Variants in TMEFF1 observed in about 807,000 individuals in gnomAD.
TMEFF1 encodes tomoregulin-1.
TMEFF1 carries 20 observed loss-of-function variants against 47.5 expected under a neutral mutation model. That is an observed-to-expected ratio of 0.42 (90% CI 0.30 to 0.61). TMEFF1 has a LOEUF of 0.61. TMEFF1 is among the 20% of genes least tolerant of loss of function. TMEFF1 has a pLI of 0.19. For missense variants in TMEFF1, 411 were observed against 471.1 expected (o/e 0.87, Z 1.18); for synonymous variants, 162 against 166.3 (o/e 0.97, Z 0.20).
intron 5 of TMEFF1, among the ~76,000 whole-genome samples, chr9:100,527,833 A>G (rs2041709486): frequency 6.6e-6 from 1 of 152,208 alleles, no homozygotes; most frequent in South Asian, 2.1e-4. Context: ...GCAGACTTAA[A>G]TGTCCCCGTC....
intron 9 of TMEFF1, among the ~76,000 whole-genome samples, chr9:100,575,956 C>G (rs890641071): frequency 6.6e-6 from 1 of 152,112 alleles, no homozygotes; most frequent in African/African-American, 2.4e-5. Flanking sequence ...TTATGGGCTT[C>G]TGTGGTTTGC....
At chr9:100,574,686 A>G (rs1337549276) in intron 9 of TMEFF1, among the ~76,000 whole-genome samples, 1 of 152,096 alleles carries the variant, frequency 6.6e-6, no homozygotes, top group African/African-American at 2.4e-5. Flanking sequence ...TAAGAGGATC[A>G]AAGGATGTCA....
chr9:100,476,698 C>A (rs1435092586), intron 1 of TMEFF1, among the ~76,000 whole-genome samples: 8 of 128,198 alleles, frequency 6.2e-5, no homozygotes, highest in Non-Finnish European at 1.2e-4. Flanking sequence ...TGGCCTATTT[C>A]GTTTTTTTTT....
chr9:100,505,410 C>CAAAAAAAAAAA (rs60312984), intron 2 of TMEFF1, among the ~76,000 whole-genome samples: 6 of 26,448 alleles, frequency 2.3e-4, no homozygotes, highest in Admixed American at 7.9e-4. Context: ...GACCCTGTCT[C>CAAAAAAAAAAA]AAAAAAAAAA....
intron 2 of TMEFF1, among the ~76,000 whole-genome samples, chr9:100,502,570 C>G (rs758813517): frequency 1.3e-5 from 2 of 152,080 alleles, no homozygotes; most frequent in Non-Finnish European, 2.9e-5. Flanking sequence ...CTAGGTTGCC[C>G]AGACTGGTCT....
chr9:100,516,814 A>G, intron 5 of TMEFF1, 43 bp downstream of exon 5: 1 of 1,597,778 alleles, frequency 6.3e-7, no homozygotes, highest in South Asian at 1.1e-5. Flanking sequence ...TTAGAGATTA[A>G]TCATCAGTAT....
chr9:100,562,809 C>A (rs931042811), intron 8 of TMEFF1, among the ~76,000 whole-genome samples: 1 of 151,378 alleles, frequency 6.6e-6, no homozygotes, highest in South Asian at 2.1e-4. Flanking sequence ...GCATGTGCCA[C>A]CATGCTTGGC....
intron 8 of TMEFF1, among the ~76,000 whole-genome samples, chr9:100,569,239 T>C (rs559308507): frequency 6.6e-6 from 1 of 152,342 alleles, no homozygotes; most frequent in South Asian, 2.1e-4. Flanking sequence ...ATTTAGGCTA[T>C]CGTAGTAACT....
intron 4 of TMEFF1, among the ~76,000 whole-genome samples, chr9:100,515,514 G>A (rs1325019532): frequency 6.6e-6 from 1 of 152,102 alleles, no homozygotes. Flanking sequence ...GAGGCCGGGT[G>A]TGGTGGCTCA....
Position 100,516,790 on chromosome 9 carries a change from AGG to A in TMEFF1, c.560+21_560+22del, listed in dbSNP as rs756650424. 1.9e-6 allele frequency: 3 copies of A among 1,611,366 alleles called. No homozygotes were observed. In the East Asian group the frequency reaches 6.7e-5, roughly 36 times the overall value. On this transcript the variant is annotated intron_variant, in intron 5 of 9. Transcript: ENST00000374879. ...ATGTTGGGTGAGTTGGTTGAGGGGA[AGG>A]GACAAAGTTATTTAGAGATTAATCA... is the stretch of plus-strand genomic sequence containing the variant.
intron 2 of TMEFF1, among the ~76,000 whole-genome samples, chr9:100,502,637 C>T (rs968178051): frequency 2.0e-5 from 3 of 152,174 alleles, no homozygotes; most frequent in South Asian, 2.1e-4. Context: ...GCTGGGATTA[C>T]GGGTATGAGC....
chr9:100,554,863 G>C (rs1036971636), intron 7 of TMEFF1, among the ~76,000 whole-genome samples: 1 of 152,074 alleles, frequency 6.6e-6, no homozygotes, highest in African/African-American at 2.4e-5. Flanking sequence ...TACTGATGCA[G>C]TGTTGATATA....
chr9:100,480,148 A>G (rs941082536), intron 1 of TMEFF1, among the ~76,000 whole-genome samples: 4 of 152,140 alleles, frequency 2.6e-5, no homozygotes, highest in African/African-American at 7.2e-5. Context: ...TAATGAATGT[A>G]TTGGCTATCT....
chr9:100,494,837 C>T (rs1837622504), intron 1 of TMEFF1, among the ~76,000 whole-genome samples: 2 of 152,180 alleles, frequency 1.3e-5, no homozygotes, highest in Admixed American at 1.3e-4. Context: ...ACATTCATGA[C>T]CTGACCTGTG....
chr9:100,549,996 G>C (rs887717641), intron 6 of TMEFF1, 99 bp from the exon 7 acceptor site: 8 of 1,397,814 alleles, frequency 5.7e-6, no homozygotes, highest in African/African-American at 2.9e-5. Flanking sequence ...AGGGGGCAGA[G>C]GTTAAGAAGA....
In TMEFF1 at chr9:100,550,046, G is replaced by A. The variant is rs150816274; in HGVS notation, c.710-49G>A. 5,122 of 1,584,688 alleles carry A rather than the reference G, an allele frequency of 3.2e-3. 27 individuals carry two copies. Among genetic ancestry groups the A allele is most frequent in the African/African-American group, 0.016 (1,173 of 73,880 alleles). On this transcript the variant is annotated intron_variant, in intron 6 of 9. Coordinates refer to ENST00000374879, the MANE Select transcript of TMEFF1 (RefSeq NM_003692.5). ...GGAATTATTGGGAGTATCATGATAT[G>A]ACTTAACCATTGTATATATTTTAAT...
intron 1 of TMEFF1, among the ~76,000 whole-genome samples, chr9:100,474,835 C>T (rs1837192057): frequency 6.6e-6 from 1 of 152,110 alleles, no homozygotes; most frequent in African/African-American, 2.4e-5. Context: ...CTTGCTGAGG[C>T]TTTAGTGGAT....
intron 5 of TMEFF1, among the ~76,000 whole-genome samples, chr9:100,524,585 G>A (rs1423999260): frequency 6.6e-6 from 1 of 152,198 alleles, no homozygotes; most frequent in Non-Finnish European, 1.5e-5. Flanking sequence ...TGGATCACTG[G>A]TAGAAATGTG....
intron 1 of TMEFF1, among the ~76,000 whole-genome samples, chr9:100,483,749 T>C (rs1467392012): frequency 1.3e-5 from 2 of 152,130 alleles, no homozygotes; most frequent in African/African-American, 2.4e-5. Flanking sequence ...AGTCTCTCTT[T>C]GTGTATCTAC....
Sources: allele counts gnomAD v4.1 joint callset (sites outside exome capture counted in the v4.1 genomes callset), GRCh38; gene constraint gnomAD v4.1.1; transcripts MANE v1.5; gene names NCBI Gene and HGNC (gene_info 2026-07-23, HGNC 2026-07-21).